Variants in CES5A observed in about 807,000 individuals in gnomAD.
The protein encoded by CES5A is carboxylesterase 5A.
A neutral mutation model predicts 62.9 loss-of-function variants in CES5A; 67 were observed. The ratio of observed to expected loss-of-function variants is 1.07; its 90% CI spans 0.88 to 1.31. CES5A has a LOEUF of 1.31. Among genes scored for constraint, CES5A ranks in the 50% most tolerant of loss-of-function variants. The pLI is 0.00. For missense variants in CES5A, 748 were observed against 708.5 expected, an observed-to-expected ratio of 1.06 and a Z score of -0.63; for synonymous variants, 296 against 280.8, an observed-to-expected ratio of 1.05 and a Z score of -0.54.
chr16:55,863,344 G>A lies in CES5A; in HGVS notation c.810+4C>T, dbSNP rs775831478. On this transcript the variant is annotated splice_donor_region_variant and intron_variant, in intron 6 of 12. Coordinates refer to ENST00000290567, the MANE Select transcript of CES5A (RefSeq NM_001143685.2). ...AGGTGGCAAGGTGTTAACAGTATAC[G>A]TACGTCCTCACTCTTCTCATAATCA... 25 of 1,438,088 alleles carry A rather than the reference G, an allele frequency of 1.7e-5. No individual in the cohort carries two copies. Among genetic ancestry groups the A allele is most frequent in the Middle Eastern group, 1.8e-4 (1 of 5,696 alleles). The allele number at this position is 1,438,088 out of a possible 1,614,324, so 89.1% of individuals were successfully genotyped here.
intron 2 of CES5A, among the ~76,000 whole-genome samples, chr16:55,945,463 A>G (rs2034485273): frequency 2.6e-5 from 4 of 152,242 alleles, no homozygotes; most frequent in Admixed American, 2.6e-4. Context: ...CCTGCAGACT[A>G]TACGGCCAGT....
chr16:55,942,673 A>T (rs1434798605), intron 2 of CES5A, among the ~76,000 whole-genome samples: 1 of 152,098 alleles, frequency 6.6e-6, no homozygotes, highest in African/African-American at 2.4e-5. Context: ...TCAACATTCC[A>T]CTCCTATTTC....
chr16:55,909,679 G>C (rs1323511368), intron 1 of CES5A, among the ~76,000 whole-genome samples: 2 of 152,194 alleles, frequency 1.3e-5, no homozygotes, highest in Non-Finnish European at 1.5e-5. Flanking sequence ...AGTGGCTAAA[G>C]TGAATGGCCC....
At chr16:55,873,763 G>A in intron 2 of CES5A, 70 bp downstream of exon 2, 1 of 1,369,702 alleles carries the variant, frequency 7.3e-7, no homozygotes, top group African/African-American at 1.4e-5. Context: ...CTTTCACACT[G>A]GGCTGCATGA....
chr16:55,869,160 G>A (rs1281745304), intron 4 of CES5A, among the ~76,000 whole-genome samples: 1 of 152,222 alleles, frequency 6.6e-6, no homozygotes, highest in Non-Finnish European at 1.5e-5. Context: ...GCTTGCAGCT[G>A]GATGTGGCCA....
chr16:55,852,736 A>G, intron 10 of CES5A, 145 bp downstream of exon 10: 2 of 811,634 alleles, frequency 2.5e-6, no homozygotes, highest in Non-Finnish European at 1.9e-6. Flanking sequence ...TCCCCATGGC[A>G]TGTTTCCATC....
At chr16:55,849,508 C>T (rs150778822) in intron 11 of CES5A, 116 bp downstream of exon 11, 94 of 1,108,574 alleles carry the variant, frequency 8.5e-5, no homozygotes, top group South Asian at 2.4e-4. Context: ...AGGTTGTGTC[C>T]GCCTATAAAC....
Position 55,946,357 on chromosome 16 carries a change from GA to G in CES5A, c.160+3427del, listed in dbSNP as rs1331576187. ...CCTGTGTCCTGGTGGGGAGCCTTGT[GA>G]AAAAAAAATGGGAAAGAAGCTGCAA... On this transcript the variant is annotated intron_variant, in intron 2 of 13. Coordinates refer to the CES5A transcript ENST00000521992. Among the ~76,000 whole-genome samples, 8 of 150,354 alleles carry G rather than the reference GA, an allele frequency of 5.3e-5. No individual in the cohort carries two copies. In the East Asian group the frequency reaches 5.8e-4, roughly 11 times the overall value.
chr16:55,870,310 AGAG>A (rs1322065634), intron 3 of CES5A, among the ~76,000 whole-genome samples: 2 of 151,966 alleles, frequency 1.3e-5, no homozygotes, highest in Non-Finnish European at 2.9e-5. Flanking sequence ...GGGAAGAAAA[AGAG>A]GAGAAGGAGA....
In CES5A at chr16:55,874,057, G is replaced by A. The variant is rs754456128; in HGVS notation, c.74-20C>T. On this transcript the variant is annotated intron_variant, in intron 1 of 12. Coordinates refer to ENST00000290567, the MANE Select transcript of CES5A (RefSeq NM_001143685.2). The stretch of plus-strand genomic sequence containing the variant: ...AAGGCCCTGCGGGAACACATGGGAG[G>A]AATCAGGAGCAGGCTGGGGACAGGC... The A allele has an allele frequency of 3.2e-6, 5 of 1,579,148 alleles. No individual in the cohort carries two copies. The highest frequency in any genetic ancestry group is 3.7e-5 in the Admixed American group (2 of 54,522).
chr16:55,936,721 C>T (rs1226975814), intron 2 of CES5A, among the ~76,000 whole-genome samples: 2 of 152,164 alleles, frequency 1.3e-5, no homozygotes, highest in Non-Finnish European at 2.9e-5. Flanking sequence ...TAGCTTCCAC[C>T]AGCCAAAATA....
At chr16:55,895,438 C>T (rs747745349) in intron 1 of CES5A, among the ~76,000 whole-genome samples, 7 of 152,220 alleles carry the variant, frequency 4.6e-5, no homozygotes, top group Non-Finnish European at 7.3e-5. Flanking sequence ...ATTTGGCACA[C>T]GGAGTCAAAG....
rs1296779737 is a variant in CES5A, at chr16:55,854,536, T to TTTTTTC, written c.1126-1509_1126-1508insGAAAAA. On this transcript the variant is annotated intron_variant, in intron 9 of 12. Coordinates refer to ENST00000290567, the MANE Select transcript of CES5A (RefSeq NM_001143685.2). ...GATATCTGCCTGTAGTGTTTCTTTT[T>TTTTTTC]TTTTTTTCTTTTTTTTTTTTTGAGA... 1.3e-4 allele frequency among the ~76,000 whole-genome samples: 10 copies of TTTTTTC among 75,536 alleles called. 2 individuals are homozygous for TTTTTTC. Among genetic ancestry groups the TTTTTTC allele is most frequent in the East Asian group, 1.3e-3 (3 of 2,300 alleles). 49.6% of individuals were successfully genotyped at this position (75,536 alleles called of 152,430 possible).
intron 12 of CES5A, 32 bp downstream of exon 12, chr16:55,846,736 T>G: frequency 1.9e-6 from 3 of 1,611,178 alleles, no homozygotes; most frequent in Non-Finnish European, 2.5e-6. Flanking sequence ...ACCCCAGGCC[T>G]TGGCATGGGG....
intron 5 of CES5A, among the ~76,000 whole-genome samples, chr16:55,865,106 T>C (rs1335040356): frequency 9.2e-5 from 14 of 152,114 alleles, no homozygotes; most frequent in Non-Finnish European, 1.8e-4. Context: ...CTCAGGAGGC[T>C]GAGGCAAGAG....
At chr16:55,876,058 C>T (rs905241726), upstream of CES5A, among the ~76,000 whole-genome samples, 1 of 152,142 alleles carries the variant, frequency 6.6e-6, no homozygotes, top group Non-Finnish European at 1.5e-5. Flanking sequence ...TAGTGCTTTG[C>T]TTTTCCAACC....
chr16:55,871,648 C>T lies in CES5A; in HGVS notation c.394G>A (p.Ala132Thr), dbSNP rs143198507. ...LYLNIYAPAHADTGSKLPVLV... is the reference protein window; with the variant it reads ...LYLNIYAPAHTDTGSKLPVLV... ...ACGGGGAGCTTGGAGCCTGTATCGG[C>T]GTGGGCAGGCGCATAGATGTTCAGG... Residue 132 changes from alanine to threonine, a missense_variant, in exon 3 of 13, where the codon GCC becomes ACC. Ala to Thr is a moderately conservative substitution (Grantham distance 58). Transcript: ENST00000290567. The T allele has an allele frequency of 3.6e-3, 5,779 of 1,613,962 alleles. 176 individuals are homozygous for T. The East Asian group carries it at 0.056, about 16-fold the overall frequency.
chr16:55,911,027 T>C (rs1301240144), intron 1 of CES5A, among the ~76,000 whole-genome samples: 1 of 152,134 alleles, frequency 6.6e-6, no homozygotes, highest in Non-Finnish European at 1.5e-5. Flanking sequence ...CTGTGGCTGC[T>C]TTTCCTTCTC....
Position 55,874,028 on chromosome 16 carries a change from G to A in CES5A, c.83C>T (p.Ala28Val). Residue 28 changes from alanine (A) to valine (V), a missense_variant, in exon 2 of 13, where the codon GCT (alanine) becomes GTT (valine). Physicochemically the swap from Ala to Val is moderately conservative, Grantham distance 64. Coordinates refer to ENST00000290567, the MANE Select transcript of CES5A (RefSeq NM_001143685.2). ...CCTGGTGTTCCTCTGTGGCCCTTCA[G>A]CAGAAGGCCCTGCGGGAACACATGG... The part of the protein sequence containing the change: ...VLAAPTKGPS[A>V]EGPQRNTRLG... 1.2e-6 allele frequency: 2 copies of A among 1,604,392 alleles called. No homozygotes were observed. Among genetic ancestry groups the A allele is most frequent in the South Asian group, 2.2e-5 (2 of 88,932 alleles).
Sources: allele counts gnomAD v4.1 joint callset (sites outside exome capture counted in the v4.1 genomes callset), GRCh38; gene constraint gnomAD v4.1.1; transcripts MANE v1.5; gene names NCBI Gene and HGNC (gene_info 2026-07-23, HGNC 2026-07-21).